NUP214: variants seen among roughly 807,000 people sequenced by gnomAD.
NUP214 encodes nucleoporin 214.
A neutral mutation model predicts 196.2 loss-of-function variants in NUP214; 79 were observed. The ratio of observed to expected loss-of-function variants is 0.40; its 90% CI spans 0.34 to 0.49. NUP214 has a LOEUF of 0.49. Ranked by LOEUF, NUP214 falls within the 20% of genes least tolerant of loss-of-function variation. The pLI is 0.58. For missense variants in NUP214, 2,468 were observed against 2,539.0 expected (o/e 0.97, Z 0.60); for synonymous variants, 1,020 against 990.5 (o/e 1.03, Z -0.56).
chr9:131,128,628 A>G, intron 3 of NUP214, 145 bp downstream of exon 3: 1 of 621,452 alleles, frequency 1.6e-6, no homozygotes, highest in Admixed American at 3.6e-5. Flanking sequence ...CCTTAATTAT[A>G]GAATCATAGA....
chr9:131,194,205 CA>C (rs11463043), intron 27 of NUP214: 19 of 140,454 alleles, frequency 1.4e-4, no homozygotes, highest in Non-Finnish European at 1.5e-4. Context: ...GATTCTGTCT[CA>C]AAAAAAAAAA....
At chr9:131,147,423 AC>A in intron 13 of NUP214, 66 bp from the exon 14 acceptor site, 5 of 1,158,758 alleles carry the variant, frequency 4.3e-6, no homozygotes, top group Non-Finnish European at 6.3e-6. Flanking sequence ...TGGAGAAAGG[AC>A]ATTTGTGATA....
intron 4 of NUP214, among the ~76,000 whole-genome samples, chr9:131,130,494 A>G (rs1831515470): frequency 6.6e-6 from 1 of 152,162 alleles, no homozygotes; most frequent in Non-Finnish European, 1.5e-5. Context: ...TGTCTTATGT[A>G]AAGACTACAG....
At chr9:131,214,624 T>A (rs538518567) in intron 30 of NUP214, among the ~76,000 whole-genome samples, 21 of 152,330 alleles carry the variant, frequency 1.4e-4, no homozygotes, top group African/African-American at 3.8e-4. Context: ...TTTGCCCCTG[T>A]GCTAGCAGCA....
At position 131,232,600 on chromosome 9, in the gene NUP214, C is replaced by T. The variant is rs1343954912; in HGVS notation, c.6239+292C>T. 9.7e-6 allele frequency: 5 copies of T among 513,448 alleles called. No homozygotes were observed. In the East Asian group the frequency reaches 1.7e-4, roughly 18 times the overall value. The allele number at this position is 513,448 out of a possible 1,614,324, so 31.8% of individuals were successfully genotyped here. A position where few individuals can be genotyped will look rare whatever the true frequency, so the allele number is the denominator to read the frequency against. ...AGGGCAGCGCTGAGGAGATGCTGCT[C>T]CTGACTTCCCTGGAGGTTTCTCAGA... On this transcript the variant is annotated intron_variant, in intron 35 of 35. Transcript: ENST00000359428. The surrounding 1 kb of genome is among the most constrained non-coding windows in gnomAD (Gnocchi z 5.1).
Position 131,130,185 on chromosome 9 carries a change from C to A in NUP214, c.593-581C>A, listed in dbSNP as rs1481205871. Among the ~76,000 whole-genome samples, 7 of 124,874 alleles carry A rather than the reference C, an allele frequency of 5.6e-5. No individual in the cohort carries two copies. In the East Asian group the frequency reaches 1.8e-3, roughly 32 times the overall value. 81.9% of individuals were successfully genotyped at this position (124,874 alleles called of 152,430 possible). Reference sequence around the variant, plus strand: ...TTGAGACAGAGTCTTGCTCTGTCGCCCAGGCTGGAGTGCAGTGGCGCGATC... The same window carrying A: ...TTGAGACAGAGTCTTGCTCTGTCGCACAGGCTGGAGTGCAGTGGCGCGATC... On this transcript the variant is annotated intron_variant, in intron 4 of 35. Transcript: ENST00000359428.
chr9:131,150,179 A>T lies in NUP214; in HGVS notation c.2041-145A>T, dbSNP rs1349334477. 4 of 686,530 alleles carry T rather than the reference A, an allele frequency of 5.8e-6. No homozygotes were observed. The Admixed American group carries it at 9.8e-5, about 17-fold the overall frequency. The allele number at this position is 686,530 out of a possible 1,614,324, so 42.5% of individuals were successfully genotyped here. On this transcript the variant is annotated intron_variant, in intron 14 of 35. Transcript: ENST00000359428. The stretch of plus-strand genomic sequence containing the variant: ...GTCTAGAACATGCCTTACACAAAGT[A>T]GAGACCCTATAAATAAGGATTCGTT...
chr9:131,127,753 G>A, intron 2 of NUP214, 34 bp downstream of exon 2: 1 of 1,493,264 alleles, frequency 6.7e-7, no homozygotes, highest in Non-Finnish European at 9.3e-7. Flanking sequence ...AAAGTAGAGA[G>A]AGGAGTATGG....
intron 26 of NUP214, chr9:131,190,745 A>G (rs1833574334): frequency 3.1e-6 from 1 of 321,770 alleles, no homozygotes; most frequent in Non-Finnish European, 5.6e-6. Flanking sequence ...AGAGATCATG[A>G]TTTCATGTAT....
rs12683223 is a variant in NUP214 at position 131,125,695 on chromosome 9, G to A, written c.-10G>A. On this transcript the variant is annotated 5_prime_UTR_variant, in exon 1 of 36. Coordinates refer to ENST00000359428, the MANE Select transcript of NUP214 (RefSeq NM_005085.4). The surrounding 1 kb of genome is among the most constrained non-coding windows in gnomAD (Gnocchi z 4.1). The stretch of plus-strand genomic sequence containing the variant: ...AGCGTTGGCTGCTTCGACACACTGA[G>A]GGCGGCGCGATGGGAGACGAGATGG... 39 of 1,550,822 alleles carry A rather than the reference G, an allele frequency of 2.5e-5. No individual in the cohort carries two copies. Among genetic ancestry groups the A allele is most frequent in the Admixed American group, 1.2e-4 (6 of 50,916 alleles).
At chr9:131,156,872 CATA>C (rs1233437204) in intron 17 of NUP214, among the ~76,000 whole-genome samples, 3 of 152,184 alleles carry the variant, frequency 2.0e-5, no homozygotes, top group Non-Finnish European at 4.4e-5. Flanking sequence ...TACATTTAAA[CATA>C]ATAAGATCTC....
At chr9:131,138,457 A>G (rs1221805159) in intron 9 of NUP214, among the ~76,000 whole-genome samples, 1 of 152,094 alleles carries the variant, frequency 6.6e-6, no homozygotes, top group Non-Finnish European at 1.5e-5. Flanking sequence ...ACCCCAGGTG[A>G]TCCACCTGCC....
At chr9:131,154,412 G>A (rs1373158767) in intron 17 of NUP214, among the ~76,000 whole-genome samples, 3 of 151,966 alleles carry the variant, frequency 2.0e-5, no homozygotes, top group African/African-American at 7.3e-5. Flanking sequence ...AGAGTCCATT[G>A]TATCATTCTG....
chr9:131,196,561 T>G (rs1372588802), intron 28 of NUP214, among the ~76,000 whole-genome samples: 1 of 152,180 alleles, frequency 6.6e-6, no homozygotes, highest in Non-Finnish European at 1.5e-5. Context: ...TGAAGGTAGG[T>G]ATTGTAATGA....
intron 32 of NUP214, among the ~76,000 whole-genome samples, chr9:131,226,676 G>A (rs192866851): frequency 2.4e-3 from 370 of 151,652 alleles, no homozygotes; most frequent in Non-Finnish European, 4.5e-3. Flanking sequence ...CCATTATCAT[G>A]GCTTGGAATT....
intron 27 of NUP214, among the ~76,000 whole-genome samples, chr9:131,193,624 C>CTTTTTTTT (rs1564202971): frequency 1.7e-4 from 3 of 17,666 alleles, no homozygotes; most frequent in East Asian, 2.1e-3. Context: ...ATTCTTCTTC[C>CTTTTTTTT]TTTTCTTTTT....
At chr9:131,130,137 G>GTTGTTTTTTTTTTTT (rs1831489668) in intron 4 of NUP214, among the ~76,000 whole-genome samples, 1 of 76,894 alleles carries the variant, frequency 1.3e-5, no homozygotes, top group African/African-American at 5.0e-5. Flanking sequence ...TTCTGGTTTT[G>GTTGTTTTTTTTTTTT]TTTTTTTTTT....
chr9:131,228,215 T>C lies in NUP214; in HGVS notation c.5958T>C (p.Pro1986=). 1 of 1,605,220 alleles carries C rather than the reference T, an allele frequency of 6.2e-7. No homozygotes were observed. Among genetic ancestry groups the C allele is most frequent in the Non-Finnish European group, 8.5e-7 (1 of 1,176,706 alleles). Residue 1986 remains proline (P), a synonymous_variant, in exon 33 of 36, where the codon CCT becomes CCC. Coordinates refer to ENST00000359428, the MANE Select transcript of NUP214 (RefSeq NM_005085.4). ...FGSPPTFGGS[P]GFGGVPAFGS... ...GCCCTCCTACTTTTGGGGGATCCCC[T>C]GGGTTTGGAGGGGTGCCAGCATTCG...
chr9:131,154,510 A>G (rs1177803193), intron 17 of NUP214, among the ~76,000 whole-genome samples: 2 of 152,160 alleles, frequency 1.3e-5, no homozygotes, highest in Non-Finnish European at 2.9e-5. Flanking sequence ...GCTGGAGTGC[A>G]GTGGCGTGAT....
Sources: allele counts gnomAD v4.1 joint callset (sites outside exome capture counted in the v4.1 genomes callset), GRCh38; gene constraint gnomAD v4.1.1; non-coding constraint Gnocchi (gnomAD v3.1); transcripts MANE v1.5; gene names NCBI Gene and HGNC (gene_info 2026-07-23, HGNC 2026-07-21).